The following CNTRL variants were observed in gnomAD, a reference collection of about 807,000 sequenced individuals.
CNTRL encodes centriolin, also known as 110 kDa centrosomal protein.
In CNTRL, 233 loss-of-function variants were observed where a neutral mutation model predicts 303.7. The ratio of observed to expected loss-of-function variants is 0.77; its 90% CI spans 0.69 to 0.86. The LOEUF (loss-of-function observed/expected upper bound fraction) is 0.86. CNTRL is among the 40% of genes least tolerant of loss of function. The pLI is 0.00. For synonymous variants in CNTRL, 900 were observed against 922.2 expected, an observed-to-expected ratio of 0.98 and a Z score of 0.44; for missense variants, 2,524 against 2,650.6, an observed-to-expected ratio of 0.95 and a Z score of 1.05.
chr9:121,084,872 G>A (rs1374037697), intron 2 of CNTRL, among the ~76,000 whole-genome samples: 1 of 152,062 alleles, frequency 6.6e-6, no homozygotes, highest in Non-Finnish European at 1.5e-5. Flanking sequence ...GACTAATCAA[G>A]TCACAGTGCT....
At chr9:121,104,978 G>T (rs1489221181) in intron 7 of CNTRL, among the ~76,000 whole-genome samples, 2 of 152,160 alleles carry the variant, frequency 1.3e-5, no homozygotes, top group Non-Finnish European at 2.9e-5. Flanking sequence ...CCAAAGTGCT[G>T]GCATTACAGG....
chr9:121,155,169 A>G (rs1357605575), intron 27 of CNTRL, among the ~76,000 whole-genome samples: 1 of 152,208 alleles, frequency 6.6e-6, no homozygotes, highest in Non-Finnish European at 1.5e-5. Context: ...TAAATAAAAC[A>G]GCGTATTTAA....
chr9:121,145,542 AATTTTAAGAGT>A (rs1287626417), intron 22 of CNTRL, among the ~76,000 whole-genome samples, 157 bp downstream of exon 22: 3 of 152,228 alleles, frequency 2.0e-5, no homozygotes, highest in Non-Finnish European at 2.9e-5. Flanking sequence ...TAAATCAGAT[AATTTTAAGAGT>A]ATTTTCTGTA....
At chr9:121,142,811 G>A (rs1447286080) in intron 19 of CNTRL, among the ~76,000 whole-genome samples, 1 of 152,072 alleles carries the variant, frequency 6.6e-6, no homozygotes, top group African/African-American at 2.4e-5. Context: ...GCCTTATTGA[G>A]CTTCCAGTTC....
chr9:121,174,238 T>C (rs1280743544), intron 42 of CNTRL, among the ~76,000 whole-genome samples: 1 of 151,984 alleles, frequency 6.6e-6, no homozygotes, highest in Non-Finnish European at 1.5e-5. Flanking sequence ...ACCTAAAGAT[T>C]TGAGAGTTAA....
At chr9:121,149,827 G>C (rs2052113615) in intron 24 of CNTRL, among the ~76,000 whole-genome samples, 1 of 152,128 alleles carries the variant, frequency 6.6e-6, no homozygotes, top group Non-Finnish European at 1.5e-5. Context: ...AGTGTTACAT[G>C]TCATGACAGT....
intron 14 of CNTRL, among the ~76,000 whole-genome samples, chr9:121,132,102 T>C (rs1470679838): frequency 4.6e-5 from 7 of 152,226 alleles, no homozygotes; most frequent in East Asian, 1.9e-4. Context: ...CTGACAATTA[T>C]GTGTCTTGGA....
At chr9:121,106,219 A>G (rs1411291228) in intron 7 of CNTRL, among the ~76,000 whole-genome samples, 1 of 151,822 alleles carries the variant, frequency 6.6e-6, no homozygotes, top group Non-Finnish European at 1.5e-5. Context: ...GGCGCCTGTA[A>G]TCTCAGCTAT....
chr9:121,149,121 T>C (rs1473885414), intron 24 of CNTRL, among the ~76,000 whole-genome samples: 1 of 152,314 alleles, frequency 6.6e-6, no homozygotes, highest in Non-Finnish European at 1.5e-5. Flanking sequence ...AATGGAGCCT[T>C]CTTCCACCCT....
chr9:121,159,589 C>T (rs1243487852), intron 31 of CNTRL, among the ~76,000 whole-genome samples: 2 of 151,602 alleles, frequency 1.3e-5, no homozygotes, highest in African/African-American at 4.8e-5. Context: ...GCCGAGATTG[C>T]ACCACGGCAC....
intron 7 of CNTRL, 61 bp downstream of exon 7, chr9:121,098,633 A>G (rs888966131): frequency 2.1e-5 from 22 of 1,050,552 alleles, no homozygotes; most frequent in Non-Finnish European, 2.9e-5. Flanking sequence ...TTCAGAAGTT[A>G]TCTAGAAATA....
chr9:121,139,490 C>G (rs185087251), intron 16 of CNTRL, among the ~76,000 whole-genome samples: 330 of 152,306 alleles, frequency 2.2e-3, no homozygotes, highest in South Asian at 4.4e-3. Flanking sequence ...TCTTCTAACA[C>G]TTCAAATATT....
At chr9:121,125,324 T>C (rs1366901725) in intron 13 of CNTRL, among the ~76,000 whole-genome samples, 1 of 151,968 alleles carries the variant, frequency 6.6e-6, no homozygotes, top group Non-Finnish European at 1.5e-5. Flanking sequence ...CATGCCCGGC[T>C]AATTTTTTGT....
chr9:121,119,313 C>CTTT (rs573341305), intron 12 of CNTRL, among the ~76,000 whole-genome samples: 8 of 137,052 alleles, frequency 5.8e-5, no homozygotes, highest in South Asian at 2.3e-4. Context: ...CTCTCTCTCT[C>CTTT]TTTTTTTTTT....
chr9:121,130,062 C>T (rs1391382527), intron 14 of CNTRL, among the ~76,000 whole-genome samples: 7 of 152,164 alleles, frequency 4.6e-5, no homozygotes, highest in African/African-American at 1.4e-4. Flanking sequence ...ATTTTCACAT[C>T]GATATTCATC....
intron 38 of CNTRL, among the ~76,000 whole-genome samples, chr9:121,168,792 A>G (rs1202884144): frequency 1.3e-5 from 2 of 152,212 alleles, no homozygotes; most frequent in African/African-American, 4.8e-5. Flanking sequence ...GTGGGAATCC[A>G]GGGTAAATGA....
intron 14 of CNTRL, among the ~76,000 whole-genome samples, chr9:121,131,223 C>T (rs1416709357): frequency 2.0e-5 from 3 of 152,178 alleles, no homozygotes; most frequent in African/African-American, 7.2e-5. Flanking sequence ...CTAATATTGA[C>T]AGTGGGGTGT....
At chr9:121,095,442 C>T (rs1489760967) in intron 5 of CNTRL, among the ~76,000 whole-genome samples, 1 of 152,098 alleles carries the variant, frequency 6.6e-6, no homozygotes, top group Admixed American at 6.6e-5. Flanking sequence ...AAGAAATATG[C>T]TCTCAATCCT....
intron 13 of CNTRL, among the ~76,000 whole-genome samples, chr9:121,124,483 A>T (rs1204328484): frequency 6.6e-6 from 1 of 152,222 alleles, no homozygotes; most frequent in East Asian, 1.9e-4. Flanking sequence ...AAACTGCGAC[A>T]TATCCATAAT....
Sources: gnomAD v4.1 joint callset for allele counts (sites outside exome capture counted in the v4.1 genomes callset) on GRCh38, gnomAD v4.1.1 for gene constraint, MANE v1.5 for transcripts, NCBI Gene and HGNC (gene_info 2026-07-23, HGNC 2026-07-21) for gene names.